KCND3: variants seen among roughly 807,000 people sequenced by gnomAD.
KCND3 encodes the protein A-type voltage-gated potassium channel KCND3.
A neutral mutation model predicts 51.1 loss-of-function variants in KCND3; 9 were observed. That is an observed-to-expected ratio of 0.18 (90% CI 0.11 to 0.31). The LOEUF (loss-of-function observed/expected upper bound fraction) is 0.31. Ranked by LOEUF, KCND3 falls within the 10% of genes least tolerant of loss-of-function variation. The probability of loss-of-function intolerance (pLI) is 1.00; values close to 1 mark genes in which losing one functional copy is unlikely to be tolerated. For synonymous variants in KCND3, 349 were observed against 368.0 expected (o/e 0.95, Z 0.59); for missense variants, 526 against 903.8 (o/e 0.58, Z 5.36).
chr1:111,867,886 G>A (rs1165381822), intron 2 of KCND3, among the ~76,000 whole-genome samples: 1 of 152,176 alleles, frequency 6.6e-6, no homozygotes, highest in Non-Finnish European at 1.5e-5. Context: ...AGACAGACCT[G>A]GTTTCCAATT....
At chr1:111,903,146 A>G (rs1043315970) in intron 2 of KCND3, among the ~76,000 whole-genome samples, 3 of 152,192 alleles carry the variant, frequency 2.0e-5, no homozygotes, top group Non-Finnish European at 2.9e-5. Context: ...TCTGGGACAT[A>G]TACTCAGCCT....
chr1:111,805,682 C>T (rs764094250), intron 2 of KCND3, among the ~76,000 whole-genome samples: 37 of 152,200 alleles, frequency 2.4e-4, no homozygotes, highest in Admixed American at 1.9e-3. Flanking sequence ...AAGCGAGGAG[C>T]GGGGGGACAT....
intron 2 of KCND3, among the ~76,000 whole-genome samples, chr1:111,873,859 A>G (rs1668936814): frequency 6.6e-6 from 1 of 151,982 alleles, no homozygotes; most frequent in Admixed American, 6.5e-5. Flanking sequence ...CAAGATTCAT[A>G]AAATATCTGG....
chr1:111,776,681 G>A (rs1005828190), intron 7 of KCND3, among the ~76,000 whole-genome samples: 1 of 152,142 alleles, frequency 6.6e-6, no homozygotes, highest in African/African-American at 2.4e-5. Flanking sequence ...ACACAGATAC[G>A]AAAACTGTTT....
At position 111,965,217 on chromosome 1, in the gene KCND3, T is replaced by C. The variant is rs187149235; in HGVS notation, c.1106+16404A>G. Among the ~76,000 whole-genome samples, 4 of 151,772 alleles carry C rather than the reference T, an allele frequency of 2.6e-5. No homozygotes were observed. The East Asian group carries it at 7.8e-4, about 29-fold the overall frequency. On this transcript the variant is annotated intron_variant, in intron 2 of 7. Transcript: ENST00000302127. ...TTTCTGAGTAAAAGGGGTGTGGAGG[T>C]TGGGTCAGAGGCTCATCTAAGGACC...
At chr1:111,833,567 C>G (rs1449124299) in intron 2 of KCND3, among the ~76,000 whole-genome samples, 2 of 152,180 alleles carry the variant, frequency 1.3e-5, no homozygotes, top group African/African-American at 4.8e-5. Context: ...AGCAAGCCAG[C>G]CAGAATTTGT....
rs547506530 is a variant in KCND3 at position 111,940,901 on chromosome 1, C to T, written c.1106+40720G>A. On this transcript the variant is annotated intron_variant, in intron 2 of 7. Transcript: ENST00000302127. ...TCCAATGTACAACCAAAGTTTTGAA[C>T]ACTTGTGGTAACTGAATCCTTCATG... Among the ~76,000 whole-genome samples the T allele has an allele frequency of 6.6e-5, 10 of 152,296 alleles. No individual in the cohort carries two copies. In the South Asian group the frequency reaches 2.1e-3, roughly 32 times the overall value.
intron 2 of KCND3, among the ~76,000 whole-genome samples, chr1:111,805,394 G>C (rs980532107): frequency 6.6e-6 from 1 of 152,176 alleles, no homozygotes; most frequent in Non-Finnish European, 1.5e-5. Flanking sequence ...GGCCAGCCTT[G>C]TCCCCTCACC....
At chr1:111,812,599 G>A (rs1354227470) in intron 2 of KCND3, among the ~76,000 whole-genome samples, 3 of 152,194 alleles carry the variant, frequency 2.0e-5, no homozygotes, top group African/African-American at 4.8e-5. Flanking sequence ...TAATCTGTAC[G>A]AGGGCCCAAT....
At position 111,980,153 on chromosome 1, in the gene KCND3, G is replaced by A. The variant is rs1020740655; in HGVS notation, c.1106+1468C>T. ...TGCCACCTGAGCCAAGAGAAACAAG[G>A]TCAAATGACCAAACATTCTTACCCA... is the stretch of plus-strand genomic sequence containing the variant. On this transcript the variant is annotated intron_variant, in intron 2 of 7. Transcript: ENST00000302127. Among the ~76,000 whole-genome samples, 3 of 151,418 alleles carry A rather than the reference G, an allele frequency of 2.0e-5. No homozygotes were observed. The East Asian group carries it at 5.8e-4, about 29-fold the overall frequency.
chr1:111,861,015 C>T (rs1046029063), intron 2 of KCND3, among the ~76,000 whole-genome samples: 4 of 152,142 alleles, frequency 2.6e-5, no homozygotes, highest in African/African-American at 7.2e-5. Flanking sequence ...CTCTCACCAT[C>T]TCCCATTTCC....
rs568306823 is a variant in KCND3 at position 111,849,678 on chromosome 1, A to G, written c.1107-62572T>C. On this transcript the variant is annotated intron_variant, in intron 2 of 7. Transcript: ENST00000302127. ...AGAAGGGGCTGAAATCTGCATGGCT[A>G]TATCTGTCGGGGTGGAGGGAAGCAC... Among the ~76,000 whole-genome samples the G allele has an allele frequency of 1.3e-4, 20 of 152,296 alleles. No homozygotes were observed. In the South Asian group the frequency reaches 2.9e-3, roughly 22 times the overall value.
Position 111,982,463 on chromosome 1 carries a change from G to A in KCND3, c.264C>T (p.Pro88=), listed in dbSNP as rs17221819. The A allele has an allele frequency of 0.11, 171,629 of 1,612,354 alleles. 10,185 individuals carry two copies. The highest frequency in any genetic ancestry group is 0.12 in the Non-Finnish European group (146,454 of 1,178,590). ...DTKEYFFDRD[P]EVFRCVLNFY... is the part of the protein sequence containing the mutation. ...AGTTGAGCACGCAGCGGAACACCTC[G>A]GGGTCCCGGTCGAAGAAGTACTCCT... Residue 88 remains proline (P), a synonymous_variant, in exon 2 of 8, where the codon CCC becomes CCT. Coordinates refer to ENST00000302127, the MANE Select transcript of KCND3 (RefSeq NM_001378969.1). The surrounding 1 kb of genome is among the most constrained non-coding windows in gnomAD (Gnocchi z 8.5).
intron 2 of KCND3, among the ~76,000 whole-genome samples, chr1:111,924,745 C>T (rs1215236539): frequency 6.6e-6 from 1 of 152,222 alleles, no homozygotes; most frequent in African/African-American, 2.4e-5. Flanking sequence ...GGCTTGTCTT[C>T]CCTCCAGACA....
At chr1:111,849,343 A>G (rs558524520) in intron 2 of KCND3, among the ~76,000 whole-genome samples, 2 of 152,322 alleles carry the variant, frequency 1.3e-5, no homozygotes, top group Non-Finnish European at 2.9e-5. Context: ...GCCTCCGGGA[A>G]GCAGCAAGCA....
intron 2 of KCND3, among the ~76,000 whole-genome samples, chr1:111,938,557 G>A (rs573110934): frequency 5.4e-4 from 82 of 152,276 alleles, no homozygotes; most frequent in Admixed American, 1.8e-3. Flanking sequence ...TAGAGACAGC[G>A]GCAGTGGGGA....
chr1:111,873,122 A>T (rs1347456565), intron 2 of KCND3, among the ~76,000 whole-genome samples: 1 of 152,230 alleles, frequency 6.6e-6, no homozygotes, highest in Non-Finnish European at 1.5e-5. Flanking sequence ...TCAGGTGAGA[A>T]TGCTGATCCA....
At chr1:111,834,385 C>A (rs1016490072) in intron 2 of KCND3, among the ~76,000 whole-genome samples, 2 of 151,604 alleles carry the variant, frequency 1.3e-5, no homozygotes, top group Non-Finnish European at 3.0e-5. Context: ...GAAAAACCAA[C>A]CCCAAGACTT....
At chr1:111,928,261 T>C (rs1291010473) in intron 2 of KCND3, among the ~76,000 whole-genome samples, 1 of 152,098 alleles carries the variant, frequency 6.6e-6, no homozygotes, top group East Asian at 1.9e-4. Context: ...ATGAGTGGCA[T>C]AGAGGTCATG....
Sources: gnomAD v4.1 joint callset for allele counts (sites outside exome capture counted in the v4.1 genomes callset) on GRCh38, gnomAD v4.1.1 for gene constraint, Gnocchi (gnomAD v3.1) non-coding constraint, MANE v1.5 for transcripts, NCBI Gene and HGNC (gene_info 2026-07-23, HGNC 2026-07-21) for gene names.